The following TRIB3 variants were observed in gnomAD, a reference collection of about 807,000 sequenced individuals.
TRIB3 encodes tribbles pseudokinase 3, also known as tribbles homolog 3.
Under a neutral mutation model 16.6 loss-of-function variants are expected in TRIB3, and 20 were observed. The ratio of observed to expected loss-of-function variants is 1.20; its 90% CI spans 0.85 to 1.75. TRIB3 has a LOEUF of 1.75. TRIB3 is among the 40% of genes most tolerant of loss of function. The pLI is 0.00. For missense variants in TRIB3, 484 were observed against 488.9 expected (o/e 0.99, Z 0.10); for synonymous variants, 208 against 217.0 (o/e 0.96, Z 0.36).
rs148789237 is a variant in TRIB3 at position 391,803 on chromosome 20, C to T, written c.584+224C>T. ...TTGGGAGGCCGAGGTGGGTGAATCA[C>T]TTGAAGTCAGGAGTTCGAGACCAGC... On this transcript the variant is annotated intron_variant, in intron 3 of 3. Coordinates refer to ENST00000217233, the MANE Select transcript of TRIB3 (RefSeq NM_021158.5). Among the ~76,000 whole-genome samples, 486 of 152,310 alleles carry T rather than the reference C, an allele frequency of 3.2e-3. 6 individuals carry two copies. The Middle Eastern group carries it at 0.051, about 16-fold the overall frequency.
chr20:396,295 C>CCTGAGATACTCAGCTCACGGGCCTCATA lies in TRIB3; in HGVS notation c.685_712dup (p.Ser238Ter). The CCTGAGATACTCAGCTCACGGGCCTCATA allele has an allele frequency of 6.2e-7, 1 of 1,613,918 alleles. No individual in the cohort carries two copies. Among genetic ancestry groups the CCTGAGATACTCAGCTCACGGGCCTCATA allele is most frequent in the Non-Finnish European group, 8.5e-7 (1 of 1,180,036 alleles). ...GCACGCGTGCCCAGCCTACGTGGGA[C>CCTGAGATACTCAGCTCACGGGCCTCATA]CTGAGATACTCAGCTCACGGGCCTC... is the stretch of plus-strand genomic sequence containing the variant. On this transcript the variant is annotated frameshift_variant, in exon 4 of 4. Coordinates refer to ENST00000217233, the MANE Select transcript of TRIB3 (RefSeq NM_021158.5). LOFTEE classifies it low-confidence loss of function (END_TRUNC).
intron 3 of TRIB3, among the ~76,000 whole-genome samples, chr20:394,798 AG>A (rs2015081256): frequency 6.6e-6 from 1 of 150,662 alleles, no homozygotes; most frequent in Non-Finnish European, 1.5e-5. Flanking sequence ...AAGAAAAAAA[AG>A]AAAAAAAAAA....
chr20:385,161 G>A (rs75342149), intron 1 of TRIB3, among the ~76,000 whole-genome samples: 13,271 of 152,156 alleles, frequency 0.087, 643 homozygotes, highest in East Asian at 0.19. Flanking sequence ...CGCCCAGGCC[G>A]GAGTGCAATG....
intron 2 of TRIB3, among the ~76,000 whole-genome samples, chr20:390,260 G>A (rs1477690573): frequency 2.0e-5 from 3 of 151,294 alleles, no homozygotes; most frequent in African/African-American, 7.3e-5. Flanking sequence ...CCTGGGAGGT[G>A]GAGGTTGCAG....
intron 1 of TRIB3, chr20:382,665 C>T (rs1568531533): frequency 8.0e-7 from 1 of 1,251,798 alleles, no homozygotes; most frequent in Non-Finnish European, 1.1e-6. Context: ...GTTTTCATTT[C>T]ATCATCACGA....
At position 397,165 on chromosome 20, in the gene TRIB3, CCA is replaced by C; in HGVS notation, c.*476_*477del. ...GGGAGGTATCCCTGTGCCAAAGGCT[CCA>C]GGCCTCTCCCCTGCAACTCAGGACC... is the stretch of plus-strand genomic sequence containing the variant. On this transcript the variant is annotated 3_prime_UTR_variant, in exon 4 of 4. Transcript: ENST00000217233. 2 of 156,726 alleles carry C rather than the reference CCA, an allele frequency of 1.3e-5. No individual in the cohort carries two copies. Among genetic ancestry groups the C allele is most frequent in the Non-Finnish European group, 1.4e-5 (1 of 70,558 alleles). The allele number at this position is 156,726 out of a possible 1,614,324, so 9.7% of individuals were successfully genotyped here.
At position 380,981 on chromosome 20, in the gene TRIB3, G is replaced by A. The variant is rs1038254977; in HGVS notation, c.-189G>A. On this transcript the variant is annotated 5_prime_UTR_variant, in exon 1 of 4. Transcript: ENST00000217233. ...GTTTGCATCACCCGGACCGGGGGCC[G>A]GGCGCGCACGAGACTCGCAGCGGAA... 2 of 91,210 alleles carry A rather than the reference G, an allele frequency of 2.2e-5. No individual in the cohort carries two copies. Among genetic ancestry groups the A allele is most frequent in the African/African-American group, 5.9e-5 (2 of 33,816 alleles). 5.7% of individuals were successfully genotyped at this position (91,210 alleles called of 1,614,324 possible).
rs1317276233 is a variant in TRIB3, at chr20:393,424, C to T, written c.584+1845C>T. Among the ~76,000 whole-genome samples the T allele has an allele frequency of 5.3e-5, 8 of 152,044 alleles. No individual in the cohort carries two copies. In the South Asian group the frequency reaches 8.3e-4, roughly 16 times the overall value. On this transcript the variant is annotated intron_variant, in intron 3 of 3. Transcript: ENST00000217233. Reference sequence around the variant, plus strand: ...ACAGCTCACTGCAGCCTCAACCTCCCGGGCTCAAGTGATCCTCCCACCTCA... The same window carrying T: ...ACAGCTCACTGCAGCCTCAACCTCCTGGGCTCAAGTGATCCTCCCACCTCA...
intron 1 of TRIB3, among the ~76,000 whole-genome samples, chr20:381,814 C>T (rs1218121981): frequency 1.3e-5 from 2 of 152,178 alleles, no homozygotes; most frequent in African/African-American, 2.4e-5. Context: ...GCCGCTGGTT[C>T]TCCCCAGTGC....
intron 3 of TRIB3, among the ~76,000 whole-genome samples, chr20:393,142 TAGCTATGGTACAATTACCCAA>T (rs2015026257): frequency 2.1e-5 from 2 of 95,618 alleles, no homozygotes; most frequent in African/African-American, 1.0e-4. Context: ...ACACCTGACG[TAGCTATGGTACAATTACCCAA>T]ACTATTAACT....
At chr20:392,745 A>G (rs976684361) in intron 3 of TRIB3, among the ~76,000 whole-genome samples, 5 of 151,988 alleles carry the variant, frequency 3.3e-5, no homozygotes, top group Non-Finnish European at 5.9e-5. Flanking sequence ...TTTAGTAGAA[A>G]CGGGGTTTTG....
rs371555552 is a variant in TRIB3 at position 388,306 on chromosome 20, G to A, written c.291+5G>A. ...GGCACTGAGTATACCTGCAAGGTAC[G>A]TGCCCATGGGCGGCTGTCCCCCAGC... On this transcript the variant is annotated splice_donor_5th_base_variant and intron_variant, in intron 2 of 3. Transcript: ENST00000217233. 1.1e-4 allele frequency: 182 copies of A among 1,593,048 alleles called. 1 individual carries two copies. The East Asian group carries it at 1.9e-3, about 16-fold the overall frequency.
In TRIB3 at chr20:396,493, T is replaced by G; in HGVS notation, c.880T>G (p.Cys294Gly). 6.2e-7 allele frequency: 1 copy of G among 1,613,040 alleles called. No homozygotes were observed. Among genetic ancestry groups the G allele is most frequent in the Non-Finnish European group, 8.5e-7 (1 of 1,180,020 alleles). Residue 294 changes from cysteine to glycine, a missense_variant, in exon 4 of 4, where the codon TGC becomes GGC. Coordinates refer to ENST00000217233, the MANE Select transcript of TRIB3 (RefSeq NM_021158.5). Reference protein sequence around the residue: ...LSAPARCLVRCLLRREPAERL... With the variant: ...LSAPARCLVRGLLRREPAERL... ...GGCCCCTGCCCGCTGTCTGGTTCGC[T>G]GCCTCCTTCGTCGGGAGCCAGCTGA...
intron 3 of TRIB3, 61 bp from the exon 4 acceptor site, chr20:396,136 TG>T: frequency 6.4e-7 from 1 of 1,551,746 alleles, no homozygotes. Context: ...GGTGATAGCA[TG>T]GGGTGGTGGC....
chr20:385,170 TGA>T (rs2014765702), intron 1 of TRIB3, among the ~76,000 whole-genome samples: 11 of 152,216 alleles, frequency 7.2e-5, no homozygotes, highest in Admixed American at 4.6e-4. Context: ...CGGAGTGCAA[TGA>T]CACTATCTCA....
In TRIB3 at chr20:388,201, C is replaced by T; in HGVS notation, c.191C>T (p.Thr64Ile). 2 of 1,613,992 alleles carry T rather than the reference C, an allele frequency of 1.2e-6. No individual in the cohort carries two copies. The change falls in exon 2 of 4, where the codon ACT becomes ATT. Residue 64 changes from threonine to isoleucine, a missense_variant. Transcript: ENST00000217233. The stretch of plus-strand genomic sequence containing the variant: ...CCAGATCGTGCAACTGCTGTGGCCA[C>T]TGCCTCCCGTCTTGGGCCCTATGTC... ...TAPDRATAVATASRLGPYVLL... is the reference protein window; with the variant it reads ...TAPDRATAVAIASRLGPYVLL...
At chr20:394,032 CTTTT>C (rs745870371) in intron 3 of TRIB3, among the ~76,000 whole-genome samples, 5 of 123,650 alleles carry the variant, frequency 4.0e-5, no homozygotes, top group East Asian at 2.9e-4. Flanking sequence ...TTCTTTCTTT[CTTTT>C]TTTTTTTTTT....
At chr20:390,659 T>TA (rs1488221236) in intron 2 of TRIB3, among the ~76,000 whole-genome samples, 8 of 152,306 alleles carry the variant, frequency 5.3e-5, no homozygotes, top group Admixed American at 1.3e-4. Context: ...GGTGACCTGT[T>TA]ACTTTTCAGT....
rs1204716281 is a variant in TRIB3, at chr20:388,085, A to G, written c.75A>G (p.Leu25=). Residue 25 remains leucine (L), a synonymous_variant, in exon 2 of 4, where the codon TTA becomes TTG. Coordinates refer to ENST00000217233, the MANE Select transcript of TRIB3 (RefSeq NM_021158.5). ...RKKRLELDDN[L]DTERPVQKRA... ...AGCGGTTGGAGTTGGATGACAACTT[A>G]GATACCGAGCGTCCCGTCCAGAAAC... The G allele has an allele frequency of 3.1e-6, 5 of 1,613,984 alleles. No individual in the cohort carries two copies. Among genetic ancestry groups the G allele is most frequent in the East Asian group, 2.2e-5 (1 of 44,898 alleles).
Sources: gnomAD v4.1 joint callset for allele counts (sites outside exome capture counted in the v4.1 genomes callset) on GRCh38, gnomAD v4.1.1 for gene constraint, MANE v1.5 for transcripts, NCBI Gene and HGNC (gene_info 2026-07-23, HGNC 2026-07-21) for gene names.